Variants in HBP1 observed in about 807,000 individuals in gnomAD.
HBP1 encodes HMG-box transcription factor 1, also known as HMG box-containing protein 1.
HBP1 carries 20 observed loss-of-function variants against 62.6 expected under a neutral mutation model. The ratio of observed to expected loss-of-function variants is 0.32; its 90% CI spans 0.22 to 0.46. HBP1 has a LOEUF of 0.46. Ranked by LOEUF, HBP1 falls within the 20% of genes least tolerant of loss-of-function variation. The pLI is 1.00. For missense variants in HBP1, 480 were observed against 611.8 expected (o/e 0.78, Z 2.27); for synonymous variants, 232 against 206.2 (o/e 1.12, Z -1.07).
Position 107,186,580 on chromosome 7 carries a change from T to C in HBP1, c.664T>C (p.Cys222Arg). The C allele has an allele frequency of 6.2e-7, 1 of 1,612,322 alleles. No individual in the cohort carries two copies. The highest frequency in any genetic ancestry group is 1.1e-5 in the South Asian group (1 of 91,006). The change falls in exon 6 of 11, where the codon TGC (cysteine) becomes CGC (arginine). Residue 222 changes from cysteine to arginine, a missense_variant. Cys to Arg is a radical substitution (Grantham distance 180). This residue lies in a region of HBP1 where 304 missense variants were observed against 330.9 expected (regional missense o/e 0.92). Transcript: ENST00000222574. ...TACCTAAACCTTAGGCACACGACTG[T>C]GCTTTCATAAGGGAAGCAATAAGGA... ...WHCFLKGTRL[C>R]FHKGSNKEWQ...
intron 3 of HBP1, among the ~76,000 whole-genome samples, chr7:107,182,978 T>G (rs574682060): frequency 6.6e-6 from 1 of 152,344 alleles, no homozygotes; most frequent in South Asian, 2.1e-4. Flanking sequence ...CCTTTTGGTC[T>G]AGGTTTATTT....
rs576838375 is a variant in HBP1 at position 107,178,231 on chromosome 7, A to G, written c.-15-1648A>G. On this transcript the variant is annotated intron_variant, in intron 1 of 10. Coordinates refer to ENST00000222574, the MANE Select transcript of HBP1 (RefSeq NM_012257.4). The stretch of plus-strand genomic sequence containing the variant: ...GCTACATTGCCCAGGCTGGATTCCA[A>G]CGCATAGGCTGAAGTTGTCGTCCCC... Among the ~76,000 whole-genome samples, 38 of 152,278 alleles carry G rather than the reference A, an allele frequency of 2.5e-4. No homozygotes were observed. In the East Asian group the frequency reaches 3.9e-3, roughly 15 times the overall value.
At chr7:107,195,571 T>TG (rs758300120) in intron 8 of HBP1, among the ~76,000 whole-genome samples, 2 of 152,148 alleles carry the variant, frequency 1.3e-5, no homozygotes, top group African/African-American at 2.4e-5. Flanking sequence ...AACATTCCTT[T>TG]GGGGGGTTCA....
At chr7:107,193,822 A>G (rs1797763397) in intron 8 of HBP1, among the ~76,000 whole-genome samples, 1 of 152,170 alleles carries the variant, frequency 6.6e-6, no homozygotes, top group Admixed American at 6.5e-5. Context: ...TCTGCAATTG[A>G]TTTGCTATGG....
intron 2 of HBP1, 72 bp from the exon 3 acceptor site, chr7:107,182,301 T>C (rs996452432): frequency 1.3e-6 from 1 of 790,266 alleles, no homozygotes; most frequent in South Asian, 1.5e-5. Flanking sequence ...ACTTCTCTTT[T>C]AACTGCAGTT....
chr7:107,199,395 A>G (rs957806154), intron 9 of HBP1, among the ~76,000 whole-genome samples: 5 of 152,232 alleles, frequency 3.3e-5, no homozygotes, highest in African/African-American at 1.2e-4. Context: ...AAATTGGTTT[A>G]TAATTAAGGA....
intron 1 of HBP1, among the ~76,000 whole-genome samples, chr7:107,179,303 CA>C (rs1448679290): frequency 1.3e-5 from 2 of 152,238 alleles, no homozygotes; most frequent in South Asian, 4.1e-4. Context: ...AAAGTATATA[CA>C]ATGCCATTTT....
intron 7 of HBP1, 25 bp downstream of exon 7, chr7:107,189,473 T>G: frequency 6.5e-7 from 1 of 1,549,538 alleles, no homozygotes; most frequent in Non-Finnish European, 8.8e-7. Flanking sequence ...GCATTTGTAG[T>G]AACTTTTTTT....
At chr7:107,170,218 C>G in intron 1 of HBP1, 7 of 758,146 alleles carry the variant, frequency 9.2e-6, no homozygotes, top group Non-Finnish European at 1.1e-5. Context: ...AGGAGTTATA[C>G]ATACTGGGAA....
At chr7:107,176,755 T>C (rs545649877) in intron 1 of HBP1, among the ~76,000 whole-genome samples, 1 of 151,328 alleles carries the variant, frequency 6.6e-6, no homozygotes, top group African/African-American at 2.4e-5. Flanking sequence ...CGTGATTTCA[T>C]ACTTGAGAAA....
intron 1 of HBP1, chr7:107,173,500 T>C (rs1247220210): frequency 6.6e-6 from 1 of 152,246 alleles, no homozygotes; most frequent in Non-Finnish European, 1.5e-5. Flanking sequence ...GTCATCATAG[T>C]CCTGTTTTCC....
intron 1 of HBP1, chr7:107,170,239 C>T (rs1796488873): frequency 2.0e-6 from 1 of 488,564 alleles, no homozygotes. Context: ...GCGATGGAGT[C>T]CTACTAACAG....
intron 9 of HBP1, among the ~76,000 whole-genome samples, chr7:107,199,936 T>C (rs894873524): frequency 2.6e-5 from 4 of 152,218 alleles, no homozygotes; most frequent in Non-Finnish European, 5.9e-5. Context: ...AGATTAGCTT[T>C]TAGTACAAGT....
intron 1 of HBP1, among the ~76,000 whole-genome samples, chr7:107,171,067 A>ATTTTTTTTTTTT (rs1395508929): frequency 3.0e-5 from 2 of 66,676 alleles, no homozygotes; most frequent in African/African-American, 2.8e-4. Flanking sequence ...ATATATATAT[A>ATTTTTTTTTTTT]TATATATTTT....
rs1256856032 is a variant in HBP1, at chr7:107,169,502, C to T, written c.-16+317C>T. Among the ~76,000 whole-genome samples, 8 of 67,614 alleles carry T rather than the reference C, an allele frequency of 1.2e-4. No homozygotes were observed. In the East Asian group the frequency reaches 2.9e-3, roughly 25 times the overall value. 44.4% of individuals were successfully genotyped at this position (67,614 alleles called of 152,430 possible). On this transcript the variant is annotated intron_variant, in intron 1 of 10. Transcript: ENST00000222574. ...GGCCGGGTGTGGAGATGGGGCGGGC[C>T]AGGGCGGGGGAAGGGGCCGACGCAG...
rs1435367746 is a variant in HBP1, at chr7:107,189,309, T to C, written c.783T>C (p.Gly261=). 1 of 1,612,968 alleles carries C rather than the reference T, an allele frequency of 6.2e-7. No individual in the cohort carries two copies. Among genetic ancestry groups the C allele is most frequent in the South Asian group, 1.1e-5 (1 of 91,010 alleles). The change falls in exon 7 of 11, where the codon GGT becomes GGC. Residue 261 remains glycine, a synonymous_variant. Coordinates refer to ENST00000222574, the MANE Select transcript of HBP1 (RefSeq NM_012257.4). The stretch of plus-strand genomic sequence containing the variant: ...ATTTTCAGGGCTATGGTTCTGATGG[T>C]CTAAAGTTGTTATCACATGAAGAAA... ...MGIHKGYGSD[G]LKLLSHEESV...
At chr7:107,176,623 GACA>G (rs1037799428) in intron 1 of HBP1, among the ~76,000 whole-genome samples, 15 of 151,450 alleles carry the variant, frequency 9.9e-5, no homozygotes, top group African/African-American at 3.6e-4. Flanking sequence ...ATGGGGCCTG[GACA>G]ACATTTTTTT....
Position 107,190,001 on chromosome 7 carries a change from A to G in HBP1, c.923-172A>G, listed in dbSNP as rs531476715. ...GTTTTGGAGGGCTTTTACATTGCTG[A>G]AAGGAAATACTTATCTAGTACTTTA... is the stretch of plus-strand genomic sequence containing the variant. On this transcript the variant is annotated intron_variant, in intron 7 of 10. Transcript: ENST00000222574. 740 of 493,922 alleles carry G rather than the reference A, an allele frequency of 1.5e-3. 1 individual carries two copies. Among genetic ancestry groups the G allele is most frequent in the Admixed American group, 2.4e-3 (66 of 27,900 alleles). The allele number at this position is 493,922 out of a possible 1,614,324, so 30.6% of individuals were successfully genotyped here.
At chr7:107,198,116 T>C (rs1237830517) in intron 9 of HBP1, among the ~76,000 whole-genome samples, 1 of 152,232 alleles carries the variant, frequency 6.6e-6, no homozygotes, top group Non-Finnish European at 1.5e-5. Context: ...ATCCTGATTA[T>C]AAGGGGTGTA....
Sources: gnomAD v4.1 joint callset for allele counts (sites outside exome capture counted in the v4.1 genomes callset) on GRCh38, gnomAD v4.1.1 for gene constraint, gnomAD v4.1.1 regional missense constraint, MANE v1.5 for transcripts, NCBI Gene and HGNC (gene_info 2026-07-23, HGNC 2026-07-21) for gene names.